Variants in MARK3 observed in about 807,000 individuals in gnomAD.
MARK3 encodes the protein MAP/microtubule affinity-regulating kinase 3.
MARK3 carries 46 observed loss-of-function variants against 90.1 expected under a neutral mutation model. That is an observed-to-expected ratio of 0.51 (90% CI 0.40 to 0.65). MARK3 has a LOEUF of 0.65. Among genes scored for constraint, MARK3 ranks in the 30% least tolerant of loss-of-function variants. The probability of loss-of-function intolerance (pLI) is 0.00; values close to 1 mark genes in which losing one functional copy is unlikely to be tolerated. For synonymous variants in MARK3, 321 were observed against 332.6 expected (o/e 0.97, Z 0.38); for missense variants, 818 against 947.2 (o/e 0.86, Z 1.79).
chr14:103,450,465 T>TC (rs2093108400), intron 4 of MARK3, among the ~76,000 whole-genome samples: 1 of 152,242 alleles, frequency 6.6e-6, no homozygotes, highest in South Asian at 2.1e-4. Flanking sequence ...AAACTTGACA[T>TC]ATCTTTGATA....
intron 1 of MARK3, 126 bp from the exon 2 acceptor site, chr14:103,404,950 G>T: frequency 1.7e-6 from 1 of 596,074 alleles, no homozygotes; most frequent in Non-Finnish European, 2.8e-6. Context: ...AAATTCCTTT[G>T]AAGTGCTAGA....
chr14:103,426,624 T>C (rs2092412990), intron 2 of MARK3, among the ~76,000 whole-genome samples: 1 of 152,186 alleles, frequency 6.6e-6, no homozygotes, highest in Non-Finnish European at 1.5e-5. Flanking sequence ...TTTCTTCCCT[T>C]CTATTGTCAC....
Position 103,468,170 on chromosome 14 carries a change from A to T in MARK3, c.1248A>T (p.Arg416Ser), listed in dbSNP as rs2093551368. ...GTGTTTCTTCAAGCCAAAAGCAAAG[A>T]CGCTACAGTGACCATGGTAAGTTTT... ...QRSVSSSQKQ[R>S]RYSDHAGPAI... The change falls in exon 12 of 18, where the codon AGA (arginine) becomes AGT (serine). Residue 416 changes from arginine to serine, a missense_variant. By Grantham distance (110) the Arg-to-Ser change is moderately radical (BLOSUM62 -1). Around this residue, in one of 3 missense-constraint regions of MARK3, gnomAD observed 560 missense variants for 613.5 expected, o/e 0.91. Transcript: ENST00000429436. 6.2e-7 allele frequency: 1 copy of T among 1,613,816 alleles called. No homozygotes were observed. Among genetic ancestry groups the T allele is most frequent in the Non-Finnish European group, 8.5e-7 (1 of 1,179,914 alleles).
rs2093695127 is a variant in MARK3, at chr14:103,475,274, G to A, written c.1482+64G>A. On this transcript the variant is annotated intron_variant, in intron 13 of 17. Coordinates refer to ENST00000429436, the MANE Select transcript of MARK3 (RefSeq NM_001128918.3). ...AGGGTTGGAACCAGCTAGACACCAGGTGTTCATTTTACTCCTGTGGTCTCT... is the reference window on the plus strand; with the variant it reads ...AGGGTTGGAACCAGCTAGACACCAGATGTTCATTTTACTCCTGTGGTCTCT... The A allele has an allele frequency of 2.8e-6, 4 of 1,405,598 alleles. No homozygotes were observed. In the African/African-American group the frequency reaches 4.2e-5, roughly 15 times the overall value. 87.1% of individuals were successfully genotyped at this position (1,405,598 alleles called of 1,614,324 possible). A position where few individuals can be genotyped will look rare whatever the true frequency, so the allele number is the denominator to read the frequency against.
intron 2 of MARK3, among the ~76,000 whole-genome samples, chr14:103,409,994 A>G (rs1159487952): frequency 6.6e-6 from 1 of 152,202 alleles, no homozygotes; most frequent in Non-Finnish European, 1.5e-5. Context: ...AATAGATACT[A>G]CTAAATTGGT....
chr14:103,412,341 T>A, intron 2 of MARK3: 1 of 631,864 alleles, frequency 1.6e-6, no homozygotes, highest in Non-Finnish European at 2.8e-6. Context: ...TTGGCCACCG[T>A]GTTTTCATCG....
chr14:103,400,943 T>TG (rs1555371024), intron 1 of MARK3, among the ~76,000 whole-genome samples: 6 of 123,548 alleles, frequency 4.9e-5, no homozygotes, highest in Admixed American at 4.7e-4. Context: ...ATATAACATT[T>TG]TGTGTGTGTG....
chr14:103,503,348 T>C lies in MARK3; in HGVS notation c.*121T>C. The C allele has an allele frequency of 1.0e-6, 1 of 975,114 alleles. No homozygotes were observed. Among genetic ancestry groups the C allele is most frequent in the Admixed American group, 2.9e-5 (1 of 34,290 alleles). 60.4% of individuals were successfully genotyped at this position (975,114 alleles called of 1,614,324 possible). A position where few individuals can be genotyped will look rare whatever the true frequency, so the allele number is the denominator to read the frequency against. The stretch of plus-strand genomic sequence containing the variant: ...TCTTCTAAATCATGAAATTAAAGTC[T>C]GAGGACGAGAGCACGCCTGGGAGCG... On this transcript the variant is annotated 3_prime_UTR_variant, in exon 18 of 18. Coordinates refer to ENST00000429436, the MANE Select transcript of MARK3 (RefSeq NM_001128918.3).
chr14:103,470,886 C>A (rs147917213), intron 12 of MARK3, among the ~76,000 whole-genome samples: 31 of 152,280 alleles, frequency 2.0e-4, no homozygotes, highest in Admixed American at 1.1e-3. Context: ...TTACACTTGG[C>A]TTGATTTCCA....
At chr14:103,463,547 C>T (rs1448402804) in intron 7 of MARK3, among the ~76,000 whole-genome samples, 1 of 152,210 alleles carries the variant, frequency 6.6e-6, no homozygotes, top group Non-Finnish European at 1.5e-5. Flanking sequence ...GTACCTTACT[C>T]TCCTGTGCTA....
At chr14:103,465,166 C>G (rs1413088579) in intron 7 of MARK3, among the ~76,000 whole-genome samples, 2 of 152,140 alleles carry the variant, frequency 1.3e-5, no homozygotes, top group Non-Finnish European at 2.9e-5. Flanking sequence ...CAGGGTATCA[C>G]CATGTTGGCC....
At chr14:103,419,396 T>G (rs555100181) in intron 2 of MARK3, among the ~76,000 whole-genome samples, 17 of 152,354 alleles carry the variant, frequency 1.1e-4, no homozygotes, top group African/African-American at 4.1e-4. Flanking sequence ...TTAGGAAACT[T>G]AAAATATATA....
chr14:103,449,444 ATAAACT>A (rs1244038175), intron 4 of MARK3, among the ~76,000 whole-genome samples: 1 of 151,392 alleles, frequency 6.6e-6, no homozygotes, highest in Non-Finnish European at 1.5e-5. Context: ...AATAATAATA[ATAAACT>A]TAAAAATTTG....
chr14:103,400,943 T>TTG (rs61635275), intron 1 of MARK3, among the ~76,000 whole-genome samples: 43,453 of 123,220 alleles, frequency 0.35, 8,170 homozygotes, highest in Non-Finnish European at 0.42. Flanking sequence ...ATATAACATT[T>TTG]TGTGTGTGTG....
chr14:103,480,628 C>T, intron 14 of MARK3, 138 bp downstream of exon 14: 1 of 581,682 alleles, frequency 1.7e-6, no homozygotes, highest in Non-Finnish European at 3.1e-6. Flanking sequence ...AATTTGTATA[C>T]TAATTTTTAG....
At chr14:103,454,447 G>A (rs2093229937) in intron 5 of MARK3, among the ~76,000 whole-genome samples, 1 of 152,034 alleles carries the variant, frequency 6.6e-6, no homozygotes, top group South Asian at 2.1e-4. Context: ...ACAAGGTTTT[G>A]CCACATTGGC....
chr14:103,396,201 ATCT>A (rs1445013498), intron 1 of MARK3, among the ~76,000 whole-genome samples: 4 of 152,046 alleles, frequency 2.6e-5, no homozygotes, highest in Non-Finnish European at 5.9e-5. Context: ...AGACTGATAG[ATCT>A]TCTTGTTTCA....
chr14:103,500,392 A>G (rs2075596268), intron 17 of MARK3, among the ~76,000 whole-genome samples, 192 bp downstream of exon 17: 1 of 152,160 alleles, frequency 6.6e-6, no homozygotes, highest in Non-Finnish European at 1.5e-5. Flanking sequence ...TCCGCTCTAC[A>G]TTTGTGTTTG....
chr14:103,412,374 T>C (rs2091693546), intron 2 of MARK3: 1 of 627,232 alleles, frequency 1.6e-6, no homozygotes, highest in Non-Finnish European at 2.9e-6. Context: ...GAAGGGAACT[T>C]TACTGCCTTT....
Sources: allele counts gnomAD v4.1 joint callset (sites outside exome capture counted in the v4.1 genomes callset), GRCh38; gene constraint gnomAD v4.1.1; regional missense constraint gnomAD v4.1.1; transcripts MANE v1.5; gene names NCBI Gene and HGNC (gene_info 2026-07-23, HGNC 2026-07-21).